The following ZC3H12B variants were observed in gnomAD, a reference collection of about 807,000 sequenced individuals.
ZC3H12B encodes zinc finger CCCH-type containing 12B.
Under a neutral mutation model 43.9 loss-of-function variants are expected in ZC3H12B, and 7 were observed. That is an observed-to-expected ratio of 0.16 (90% CI 0.09 to 0.30). The LOEUF (loss-of-function observed/expected upper bound fraction) is 0.30, where lower values mean the gene tolerates loss of function less well. Among genes scored for constraint, ZC3H12B ranks in the 10% least tolerant of loss-of-function variants. The probability of loss-of-function intolerance (pLI) is 1.00; values close to 1 mark genes in which losing one functional copy is unlikely to be tolerated. For synonymous variants in ZC3H12B, 222 were observed against 241.7 expected, an observed-to-expected ratio of 0.92 and a Z score of 0.76; for missense variants, 475 against 670.2, an observed-to-expected ratio of 0.71 and a Z score of 3.22.
At chrX:65,290,904 C>T in the ZC3H12B span, among the ~76,000 whole-genome samples, 1 of 110,571 alleles carries the variant, frequency 9.0e-6, no homozygotes, top group Non-Finnish European at 1.9e-5. Context: ...AGGGTACAAA[C>T]ATAAAGTAAG....
At chrX:65,266,979 C>T in the ZC3H12B span, among the ~76,000 whole-genome samples, 10 of 110,201 alleles carry the variant, frequency 9.1e-5, no homozygotes, top group Admixed American at 6.8e-4. Flanking sequence ...TTTTAAAGCT[C>T]CCTGGGAAAT....
At chrX:65,194,399 A>G in the ZC3H12B span, among the ~76,000 whole-genome samples, 1 of 105,045 alleles carries the variant, frequency 9.5e-6, no homozygotes. Flanking sequence ...TATAATAATA[A>G]TAAAATAAAA....
chrX:65,325,763 T>A, the ZC3H12B span, among the ~76,000 whole-genome samples: 1 of 111,394 alleles, frequency 9.0e-6, no homozygotes, highest in Non-Finnish European at 1.9e-5. Context: ...TTAAGACAAT[T>A]ATGAGCAAAA....
chrX:65,143,562 CT>C, the ZC3H12B span, among the ~76,000 whole-genome samples: 700 of 96,910 alleles, frequency 7.2e-3, no homozygotes, highest in African/African-American at 0.015. Flanking sequence ...GGTGAATTAT[CT>C]TTTTTTTTTT....
intron 2 of ZC3H12B, among the ~76,000 whole-genome samples, chrX:65,379,194 C>T (rs1173675002): frequency 1.8e-5 from 2 of 111,990 alleles, no homozygotes; most frequent in Admixed American, 1.9e-4. Context: ...CCTCCGCAGA[C>T]TTAAATGTCC....
At chrX:65,063,485 C>G in the ZC3H12B span, among the ~76,000 whole-genome samples, 1 of 112,073 alleles carries the variant, frequency 8.9e-6, no homozygotes, top group Non-Finnish European at 1.9e-5. Context: ...TATATTGAAC[C>G]AGCCTTGCAT....
the ZC3H12B span, among the ~76,000 whole-genome samples, chrX:65,192,240 A>T: frequency 1.8e-5 from 2 of 110,895 alleles, no homozygotes; most frequent in South Asian, 3.8e-4. Context: ...CAATTTTGGA[A>T]TAGGTGTGGT....
the ZC3H12B span, among the ~76,000 whole-genome samples, chrX:65,151,585 G>A: frequency 4.5e-5 from 5 of 111,716 alleles, no homozygotes; most frequent in Non-Finnish European, 9.4e-5. Context: ...TTAAAGGTGT[G>A]ACTTCAGATA....
exon 2 of ZC3H12B, chrX:65,497,215 C>T: frequency 8.3e-7 from 1 of 1,210,458 alleles, no homozygotes. Context: ...AAAGATATTA[C>T]TGTATTTGTG....
the ZC3H12B span, among the ~76,000 whole-genome samples, chrX:65,237,636 G>A: frequency 9.2e-6 from 1 of 109,144 alleles, no homozygotes; most frequent in Non-Finnish European, 1.9e-5. Flanking sequence ...TACTTGTCTT[G>A]TGCCAGTTTT....
chrX:65,124,395 A>AT, the ZC3H12B span, among the ~76,000 whole-genome samples: 2 of 110,594 alleles, frequency 1.8e-5, no homozygotes, highest in South Asian at 3.8e-4. Flanking sequence ...GTTTGCTGGT[A>AT]TTTTTTTGAG....
intron 3 of ZC3H12B, among the ~76,000 whole-genome samples, chrX:65,445,792 G>C (rs1311156929): frequency 2.7e-5 from 3 of 112,581 alleles, no homozygotes; most frequent in Non-Finnish European, 5.6e-5. Context: ...TCTGGGAGCT[G>C]GGGCTAGGAG....
chrX:65,252,630 T>C, the ZC3H12B span, among the ~76,000 whole-genome samples: 1 of 111,817 alleles, frequency 8.9e-6, no homozygotes, highest in African/African-American at 3.2e-5. Context: ...CTTGTCTCTA[T>C]TGTAGCCTTT....
the ZC3H12B span, among the ~76,000 whole-genome samples, chrX:65,344,506 T>A: frequency 8.9e-6 from 1 of 112,256 alleles, no homozygotes; most frequent in East Asian, 2.8e-4. Flanking sequence ...CTTGGATAAC[T>A]GGCAATCCAT....
At chrX:65,459,104 T>A (rs927490123) in intron 3 of ZC3H12B, among the ~76,000 whole-genome samples, 1 of 110,938 alleles carries the variant, frequency 9.0e-6, no homozygotes, top group Non-Finnish European at 1.9e-5. Context: ...AAGCAGAAAA[T>A]CTAGAAGAAA....
At chrX:65,383,350 G>T (rs1423595977) in intron 2 of ZC3H12B, among the ~76,000 whole-genome samples, 1 of 111,860 alleles carries the variant, frequency 8.9e-6, no homozygotes, top group African/African-American at 3.3e-5. Flanking sequence ...CAAGCAATGG[G>T]GAAAGGATTC....
At chrX:65,454,886 G>A (rs902055856) in intron 3 of ZC3H12B, among the ~76,000 whole-genome samples, 5 of 111,760 alleles carry the variant, frequency 4.5e-5, no homozygotes, top group Non-Finnish European at 7.5e-5. Context: ...GTGGATTTCC[G>A]GCAAACTGCA....
intron 3 of ZC3H12B, among the ~76,000 whole-genome samples, chrX:65,472,862 T>TATATATA (rs2067938953): frequency 2.8e-5 from 2 of 70,924 alleles, no homozygotes; most frequent in African/African-American, 1.3e-4. Context: ...ATATATATGT[T>TATATATA]TGTGTATATA....
the ZC3H12B span, among the ~76,000 whole-genome samples, chrX:65,335,151 A>G: frequency 2.1e-4 from 23 of 112,136 alleles, no homozygotes; most frequent in African/African-American, 7.4e-4. Context: ...TGCAATGCAA[A>G]CTAGAACAAA....
Sources: gnomAD v4.1 joint callset for allele counts (sites outside exome capture counted in the v4.1 genomes callset) on GRCh38, gnomAD v4.1.1 for gene constraint, MANE v1.5 for transcripts, NCBI Gene and HGNC (gene_info 2026-07-23, HGNC 2026-07-21) for gene names.